Variants in PDZRN4 observed in about 807,000 individuals in gnomAD.
PDZRN4 encodes the protein PDZ domain containing ring finger 4, also known as PDZ domain-containing RING finger protein 4.
PDZRN4 carries 70 observed loss-of-function variants against 99.0 expected under a neutral mutation model. That is an observed-to-expected ratio of 0.71 (90% CI 0.58 to 0.86). The LOEUF is 0.86. Ranked by LOEUF, PDZRN4 falls within the 40% of genes least tolerant of loss-of-function variation. PDZRN4 has a pLI of 0.00. For missense variants in PDZRN4, 1,474 were observed against 1,331.2 expected, an observed-to-expected ratio of 1.11 and a Z score of -1.67; for synonymous variants, 551 against 501.6, an observed-to-expected ratio of 1.10 and a Z score of -1.32.
intron 3 of PDZRN4, among the ~76,000 whole-genome samples, chr12:41,352,150 GA>G (rs1283250673): frequency 6.6e-6 from 1 of 152,062 alleles, no homozygotes; most frequent in Non-Finnish European, 1.5e-5. Flanking sequence ...GGGTGCACTG[GA>G]TTTGGCAAAT....
At chr12:41,553,696 C>A (rs1005698970) in intron 6 of PDZRN4, among the ~76,000 whole-genome samples, 2 of 151,854 alleles carry the variant, frequency 1.3e-5, no homozygotes, top group Non-Finnish European at 2.9e-5. Flanking sequence ...CAGAATGAGA[C>A]CCTGTCTCTA....
chr12:41,514,540 G>A (rs1040960721), intron 5 of PDZRN4, among the ~76,000 whole-genome samples: 1 of 151,998 alleles, frequency 6.6e-6, no homozygotes, highest in Non-Finnish European at 1.5e-5. Flanking sequence ...TGCATGTATA[G>A]AGCTATATGG....
chr12:41,272,204 A>T (rs1157470838), intron 3 of PDZRN4, among the ~76,000 whole-genome samples: 2 of 152,076 alleles, frequency 1.3e-5, no homozygotes, highest in African/African-American at 4.8e-5. Context: ...CTTTAAGAAC[A>T]TAAAATTCAT....
intron 3 of PDZRN4, among the ~76,000 whole-genome samples, chr12:41,501,424 G>T (rs1938107302): frequency 6.6e-6 from 1 of 152,148 alleles, no homozygotes; most frequent in Admixed American, 6.6e-5. Context: ...GAGGCCACTA[G>T]GCACTCTGGG....
chr12:41,496,549 A>G lies in PDZRN4; in HGVS notation c.844-9907A>G, dbSNP rs567365929. Among the ~76,000 whole-genome samples the G allele has an allele frequency of 2.1e-3, 313 of 152,192 alleles. 1 individual carries two copies. The highest frequency in any genetic ancestry group is 3.6e-3 in the Non-Finnish European group (243 of 67,978). Reference sequence around the variant, plus strand: ...CACGTCGATGCTCTTTTCTGCTACAACAATGAATGACAGGGCATTGAGGGG... The same window carrying G: ...CACGTCGATGCTCTTTTCTGCTACAGCAATGAATGACAGGGCATTGAGGGG... On this transcript the variant is annotated intron_variant, in intron 3 of 9. Coordinates refer to ENST00000402685, the MANE Select transcript of PDZRN4 (RefSeq NM_001164595.2).
chr12:41,246,073 G>A (rs1951131979), intron 3 of PDZRN4, among the ~76,000 whole-genome samples: 11 of 150,086 alleles, frequency 7.3e-5, no homozygotes, highest in Admixed American at 7.3e-4. Context: ...AGATTGAGGA[G>A]CTTTGGGTAG....
chr12:41,296,108 A>AT (rs980918147), intron 3 of PDZRN4, among the ~76,000 whole-genome samples: 1 of 152,142 alleles, frequency 6.6e-6, no homozygotes, highest in African/African-American at 2.4e-5. Context: ...GGCTAAAAAA[A>AT]GTTGAGCAAA....
intron 3 of PDZRN4, among the ~76,000 whole-genome samples, chr12:41,306,523 T>G (rs940396719): frequency 6.6e-6 from 1 of 152,188 alleles, no homozygotes; most frequent in Admixed American, 6.5e-5. Flanking sequence ...GGGTGGGTGA[T>G]TCGGTCCATA....
At chr12:41,556,042 C>T (rs907601802) in intron 7 of PDZRN4, among the ~76,000 whole-genome samples, 2 of 152,204 alleles carry the variant, frequency 1.3e-5, no homozygotes, top group East Asian at 1.9e-4. Context: ...ATAACCTCCT[C>T]TCATCCTAAG....
chr12:41,194,292 T>C (rs927050570), intron 3 of PDZRN4, 104 bp downstream of exon 3: 3 of 671,204 alleles, frequency 4.5e-6, no homozygotes, highest in Non-Finnish European at 7.9e-6. Flanking sequence ...TATTAGAATA[T>C]ACATTCTTAG....
At chr12:41,408,783 T>TTCTC (rs1215457271) in intron 3 of PDZRN4, among the ~76,000 whole-genome samples, 1 of 150,382 alleles carries the variant, frequency 6.6e-6, no homozygotes, top group East Asian at 1.9e-4. Context: ...TCTCTCTGTC[T>TTCTC]TCTCTCTCTC....
intron 3 of PDZRN4, chr12:41,413,013 C>T (rs1412719699): frequency 6.6e-6 from 1 of 151,820 alleles, no homozygotes; most frequent in African/African-American, 2.4e-5. Flanking sequence ...TTACTTAAAC[C>T]TGGGAGGTGG....
chr12:41,209,912 G>A (rs909728545), intron 3 of PDZRN4, among the ~76,000 whole-genome samples: 1 of 148,312 alleles, frequency 6.7e-6, no homozygotes, highest in African/African-American at 2.5e-5. Context: ...GATCCCTGAG[G>A]AATCACCACA....
chr12:41,229,905 A>G (rs1951017415), intron 3 of PDZRN4, among the ~76,000 whole-genome samples: 1 of 152,086 alleles, frequency 6.6e-6, no homozygotes, highest in African/African-American at 2.4e-5. Context: ...TTTAAATACA[A>G]TAATTTTTGT....
At chr12:41,503,450 G>A (rs1319830876) in intron 3 of PDZRN4, among the ~76,000 whole-genome samples, 1 of 152,008 alleles carries the variant, frequency 6.6e-6, no homozygotes, top group Non-Finnish European at 1.5e-5. Flanking sequence ...ACATATGAAC[G>A]CTAATATTGT....
At chr12:41,394,868 C>T (rs1197090804) in intron 3 of PDZRN4, among the ~76,000 whole-genome samples, 1 of 152,100 alleles carries the variant, frequency 6.6e-6, no homozygotes, top group Admixed American at 6.6e-5. Context: ...CCAGAAGCCA[C>T]AGTCTTTTTA....
chr12:41,514,064 G>C (rs186312753), intron 5 of PDZRN4, among the ~76,000 whole-genome samples: 1 of 151,986 alleles, frequency 6.6e-6, no homozygotes, highest in Non-Finnish European at 1.5e-5. Flanking sequence ...CCCTTTATGC[G>C]TCCAATATCA....
intron 3 of PDZRN4, among the ~76,000 whole-genome samples, chr12:41,500,399 G>A (rs565304894): frequency 5.3e-5 from 8 of 152,086 alleles, no homozygotes; most frequent in East Asian, 1.9e-4. Context: ...TGCTTATTGT[G>A]TCACATGGAA....
chr12:41,443,553 G>A (rs1952699554), intron 3 of PDZRN4, among the ~76,000 whole-genome samples: 2 of 152,080 alleles, frequency 1.3e-5, no homozygotes, highest in East Asian at 1.9e-4. Flanking sequence ...TTGTAGATTT[G>A]GTTATGGTGT....
Sources: allele counts gnomAD v4.1 joint callset (sites outside exome capture counted in the v4.1 genomes callset), GRCh38; gene constraint gnomAD v4.1.1; transcripts MANE v1.5; gene names NCBI Gene and HGNC (gene_info 2026-07-23, HGNC 2026-07-21).